The following NLGN1 variants were observed in gnomAD, a reference collection of about 807,000 sequenced individuals.
NLGN1 encodes neuroligin-1.
In NLGN1, 12 loss-of-function variants were observed where a neutral mutation model predicts 65.5. The ratio of observed to expected loss-of-function variants is 0.18; its 90% CI spans 0.12 to 0.30. The LOEUF (loss-of-function observed/expected upper bound fraction) is 0.30. NLGN1 is among the 10% of genes least tolerant of loss of function. NLGN1 has a pLI of 1.00. For synonymous variants in NLGN1, 350 were observed against 359.5 expected (o/e 0.97, Z 0.30); for missense variants, 750 against 1,007.1 (o/e 0.74, Z 3.46).
At chr3:174,205,855 C>A (rs1735298492) in intron 4 of NLGN1, among the ~76,000 whole-genome samples, 1 of 152,148 alleles carries the variant, frequency 6.6e-6, no homozygotes, top group African/African-American at 2.4e-5. Flanking sequence ...CCCAGAACTG[C>A]TAAGTTCAAC....
At chr3:173,556,178 T>C (rs184196298) in intron 2 of NLGN1, among the ~76,000 whole-genome samples, 2 of 152,172 alleles carry the variant, frequency 1.3e-5, no homozygotes, top group African/African-American at 4.8e-5. Flanking sequence ...ATCTGTGTTT[T>C]CTTATTTTCC....
At chr3:174,273,535 T>C (rs1749895317) in intron 4 of NLGN1, among the ~76,000 whole-genome samples, 1 of 151,300 alleles carries the variant, frequency 6.6e-6, no homozygotes, top group African/African-American at 2.4e-5. Context: ...TATTTTATTA[T>C]CCTCTAATTT....
intron 2 of NLGN1, among the ~76,000 whole-genome samples, chr3:173,586,478 G>A (rs1024706994): frequency 3.3e-5 from 5 of 152,280 alleles, no homozygotes; most frequent in Non-Finnish European, 7.4e-5. Flanking sequence ...TCCTGGATTT[G>A]TGTGTGTATG....
chr3:173,470,910 A>G (rs1192792401), intron 2 of NLGN1, among the ~76,000 whole-genome samples: 1 of 152,150 alleles, frequency 6.6e-6, no homozygotes, highest in African/African-American at 2.4e-5. Context: ...TTCTTTAGAC[A>G]GAGTAGAGTA....
chr3:173,751,735 G>A lies in NLGN1; in HGVS notation c.494-55945G>A, dbSNP rs201409962. Among the ~76,000 whole-genome samples, 3 of 152,168 alleles carry A rather than the reference G, an allele frequency of 2.0e-5. No individual in the cohort carries two copies. In the East Asian group the frequency reaches 5.8e-4, roughly 29 times the overall value. ...AAAACCATAGAATGTGAAGGTTTAA[G>A]GGGGCTTGGGAATAAAATATAGTAA... On this transcript the variant is annotated intron_variant, in intron 3 of 6. Coordinates refer to ENST00000457714, the Ensembl canonical transcript of NLGN1.
In NLGN1 at chr3:173,565,255, T is replaced by C. The variant is rs143032651; in HGVS notation, c.-320-39024T>C. ...CCAGGCACCTTGAATAGACCAAATA[T>C]AGTGAAATAGGCTGCCTTACAGATG... On this transcript the variant is annotated intron_variant, in intron 2 of 6. Coordinates refer to ENST00000457714, the Ensembl canonical transcript of NLGN1. Among the ~76,000 whole-genome samples the C allele has an allele frequency of 7.3e-3, 1,111 of 152,094 alleles. 13 individuals carry two copies. Among genetic ancestry groups the C allele is most frequent in the African/African-American group, 0.026 (1,066 of 41,480 alleles).
chr3:173,432,896 A>G (rs1038619351), intron 1 of NLGN1, among the ~76,000 whole-genome samples: 2 of 151,976 alleles, frequency 1.3e-5, no homozygotes, highest in Non-Finnish European at 2.9e-5. Flanking sequence ...GGGTATCCTC[A>G]TTACTATGTG....
chr3:174,070,344 T>G (rs1739552853), intron 4 of NLGN1, among the ~76,000 whole-genome samples: 1 of 151,908 alleles, frequency 6.6e-6, no homozygotes, highest in Admixed American at 6.6e-5. Context: ...TGTGTTTTTT[T>G]TTTTTGAAAT....
chr3:173,993,402 G>A (rs1429542243), intron 4 of NLGN1, among the ~76,000 whole-genome samples: 1 of 152,182 alleles, frequency 6.6e-6, no homozygotes, highest in African/African-American at 2.4e-5. Flanking sequence ...CACAATGTCA[G>A]ATTGAATTTG....
chr3:174,126,413 G>A (rs1201210158), intron 4 of NLGN1, among the ~76,000 whole-genome samples: 3 of 152,124 alleles, frequency 2.0e-5, no homozygotes, highest in African/African-American at 7.2e-5. Flanking sequence ...GTGTCTAGAG[G>A]AGTGACAGGT....
intron 4 of NLGN1, among the ~76,000 whole-genome samples, chr3:174,172,579 T>C (rs1299844456): frequency 1.3e-5 from 2 of 152,110 alleles, no homozygotes; most frequent in Non-Finnish European, 2.9e-5. Context: ...AGTCTGTCCT[T>C]TCCCCAGTGT....
intron 4 of NLGN1, among the ~76,000 whole-genome samples, chr3:174,086,791 T>A (rs1268171106): frequency 6.6e-6 from 1 of 152,156 alleles, no homozygotes; most frequent in Non-Finnish European, 1.5e-5. Flanking sequence ...TATTTTTTTC[T>A]TACTTTAAAT....
chr3:173,638,714 G>T (rs190769799), intron 3 of NLGN1, among the ~76,000 whole-genome samples: 1 of 152,252 alleles, frequency 6.6e-6, no homozygotes, highest in African/African-American at 2.4e-5. Context: ...TATGAGGGGA[G>T]TTCTCTTTAT....
intron 4 of NLGN1, among the ~76,000 whole-genome samples, chr3:173,993,364 G>A (rs1721537525): frequency 6.6e-6 from 1 of 152,178 alleles, no homozygotes; most frequent in African/African-American, 2.4e-5. Context: ...GCACTAAATA[G>A]TGCATTTTCG....
At chr3:173,427,304 A>G (rs1163839187) in intron 1 of NLGN1, among the ~76,000 whole-genome samples, 3 of 151,568 alleles carry the variant, frequency 2.0e-5, no homozygotes, top group Non-Finnish European at 4.4e-5. Context: ...TTTCATCTCA[A>G]TTTCATTTAC....
At chr3:174,207,862 A>T (rs1343380180) in intron 4 of NLGN1, among the ~76,000 whole-genome samples, 1 of 152,190 alleles carries the variant, frequency 6.6e-6, no homozygotes, top group African/African-American at 2.4e-5. Context: ...CTTGTTAGAG[A>T]TGTACAAATG....
intron 2 of NLGN1, among the ~76,000 whole-genome samples, chr3:173,594,976 G>A (rs1749204979): frequency 6.6e-6 from 1 of 152,134 alleles, no homozygotes; most frequent in African/African-American, 2.4e-5. Context: ...CCCTGAGCCT[G>A]GCCCACAAAA....
At chr3:173,566,851 A>C (rs1026744533) in intron 2 of NLGN1, among the ~76,000 whole-genome samples, 1 of 152,302 alleles carries the variant, frequency 6.6e-6, no homozygotes, top group Admixed American at 6.5e-5. Context: ...GTATTGAGTA[A>C]AAAAGAGTAA....
intron 3 of NLGN1, among the ~76,000 whole-genome samples, chr3:173,747,336 TA>T (rs1019108384): frequency 2.9e-5 from 4 of 140,296 alleles, no homozygotes; most frequent in Non-Finnish European, 4.6e-5. Context: ...ATACATTTTA[TA>T]ATATGTATTT....
Sources: gnomAD v4.1 joint callset for allele counts (sites outside exome capture counted in the v4.1 genomes callset) on GRCh38, gnomAD v4.1.1 for gene constraint, MANE v1.5 for transcripts, NCBI Gene and HGNC (gene_info 2026-07-23, HGNC 2026-07-21) for gene names.